CACNA1I: variants seen among roughly 807,000 people sequenced by gnomAD.
CACNA1I encodes the protein calcium voltage-gated channel subunit alpha1 I.
A neutral mutation model predicts 201.6 loss-of-function variants in CACNA1I; 74 were observed. That is an observed-to-expected ratio of 0.37 (90% CI 0.30 to 0.45). The LOEUF (loss-of-function observed/expected upper bound fraction) is 0.45. CACNA1I is among the 20% of genes least tolerant of loss of function. The pLI is 1.00. For synonymous variants in CACNA1I, 1,431 were observed against 1,345.2 expected (o/e 1.06, Z -1.40); for missense variants, 2,346 against 3,138.1 (o/e 0.75, Z 6.03).
rs377452504 is a variant in CACNA1I at position 39,634,705 on chromosome 22, C to A, written c.721C>A (p.Leu241Met). 3.7e-6 allele frequency: 6 copies of A among 1,613,588 alleles called. No homozygotes were observed. The highest frequency in any genetic ancestry group is 5.1e-6 in the Non-Finnish European group (6 of 1,179,758). The change falls in exon 5 of 37, where the codon CTG becomes ATG. Residue 241 changes from leucine (L) to methionine (M), a missense_variant. Around this residue, in one of 13 missense-constraint regions of CACNA1I, gnomAD observed 227 missense variants for 412.5 expected, o/e 0.55. Coordinates refer to ENST00000402142, the MANE Select transcript of CACNA1I (RefSeq NM_021096.4). ...WAGLLRNRCF[L>M]EENFTIQGDV... ...GGGCCTGCTGCGTAACCGCTGCTTC[C>A]TGGAGGAGAACTTCACCATGTGAGT...
intron 15 of CACNA1I, among the ~76,000 whole-genome samples, chr22:39,660,699 G>A (rs1934979718): frequency 6.6e-6 from 1 of 152,194 alleles, no homozygotes; most frequent in Non-Finnish European, 1.5e-5. Flanking sequence ...CCCTTGGTTA[G>A]AGCCTTGGGG....
At position 39,684,474 on chromosome 22, in the gene CACNA1I, G is replaced by T. The variant is rs757976658; in HGVS notation, c.6003G>T (p.Arg2001Ser). 6 of 1,613,302 alleles carry T rather than the reference G, an allele frequency of 3.7e-6. No individual in the cohort carries two copies. The East Asian group carries it at 1.3e-4, about 36-fold the overall frequency. ...CCTGGGCATCTCTGCGGTCACCAAG[G>T]GTCAACTGTACCCTCCTCCGGCAGG... Reference protein sequence around the residue: ...QGSWASLRSPRVNCTLLRQAT... With the variant: ...QGSWASLRSPSVNCTLLRQAT... The change falls in exon 36 of 37, where the codon AGG (arginine) becomes AGT (serine). Residue 2001 changes from arginine to serine, a missense_variant. Around this residue, in one of 13 missense-constraint regions of CACNA1I, gnomAD observed 441 missense variants for 555.6 expected, o/e 0.79. Coordinates refer to ENST00000402142, the MANE Select transcript of CACNA1I (RefSeq NM_021096.4). The surrounding 1 kb of genome is among the most constrained non-coding windows in gnomAD (Gnocchi z 4.6).
chr22:39,656,784 T>C (rs1245656701), intron 10 of CACNA1I: 4 of 518,848 alleles, frequency 7.7e-6, no homozygotes, highest in Middle Eastern at 3.2e-4. Context: ...GAACAAGTCA[T>C]TCCCCCTCCC....
rs1315733458 is a variant in CACNA1I, at chr22:39,684,372, T to G, written c.5901T>G (p.Pro1967=). 2.5e-6 allele frequency: 4 copies of G among 1,613,588 alleles called. No individual in the cohort carries two copies. Among genetic ancestry groups the G allele is most frequent in the Non-Finnish European group, 3.4e-6 (4 of 1,179,824 alleles). ...CCATGCCAGCCGAGTTCTTCCACCC[T>G]GCAGTGTCTGCCAGCCAGAAAGGCC... is the stretch of plus-strand genomic sequence containing the variant. ...LLPMPAEFFH[P]AVSASQKGPE... is the part of the protein sequence containing the mutation. Residue 1967 remains proline, a synonymous_variant, in exon 36 of 37, where the codon CCT becomes CCG. Coordinates refer to ENST00000402142, the MANE Select transcript of CACNA1I (RefSeq NM_021096.4). The surrounding 1 kb of genome is among the most constrained non-coding windows in gnomAD (Gnocchi z 4.6).
intron 1 of CACNA1I, among the ~76,000 whole-genome samples, chr22:39,591,925 G>A (rs969493923): frequency 2.0e-5 from 3 of 152,202 alleles, no homozygotes; most frequent in African/African-American, 4.8e-5. Context: ...AGAAGTGTTC[G>A]CGATTGTCAC....
chr22:39,641,399 AT>A (rs1934347520), intron 6 of CACNA1I, among the ~76,000 whole-genome samples: 1 of 152,234 alleles, frequency 6.6e-6, no homozygotes, highest in South Asian at 2.1e-4. Context: ...TGACTATTAA[AT>A]GGCAAAAATA....
In CACNA1I at chr22:39,677,368, C is replaced by G; in HGVS notation, c.4882C>G (p.Leu1628Val). ...GGGCAACCTGGGCCTCCTCTTCATG[C>G]TGCTCTTCTTCATCTATGCTGCTCT... The part of the protein sequence containing the change: ...QVGNLGLLFM[L>V]LFFIYAALGV... The change falls in exon 30 of 37, where the codon CTG (leucine) becomes GTG (valine). Residue 1628 changes from leucine to valine, a missense_variant. By Grantham distance (32) the Leu-to-Val change is conservative. Transcript: ENST00000402142. This position sits in a 1 kb window ranked among gnomAD's most constrained non-coding sequence, Gnocchi z 4.8. 6.2e-7 allele frequency: 1 copy of G among 1,600,434 alleles called. No homozygotes were observed. Among genetic ancestry groups the G allele is most frequent in the Non-Finnish European group, 8.5e-7 (1 of 1,175,728 alleles).
intron 4 of CACNA1I, among the ~76,000 whole-genome samples, chr22:39,627,263 C>G (rs943267596): frequency 2.0e-5 from 3 of 152,210 alleles, no homozygotes; most frequent in Non-Finnish European, 4.4e-5. Context: ...TGGTCTGCTC[C>G]AGACCTCTGA....
At chr22:39,589,361 G>A (rs1932796211) in intron 1 of CACNA1I, among the ~76,000 whole-genome samples, 1 of 152,184 alleles carries the variant, frequency 6.6e-6, no homozygotes, top group Admixed American at 6.5e-5. Context: ...GCATATGTTT[G>A]GTTTTAGTAG....
rs60795524 is a variant in CACNA1I, at chr22:39,619,316, C to T, written c.489C>T (p.Val163=). 587 of 1,607,896 alleles carry T rather than the reference C, an allele frequency of 3.7e-4. 2 individuals are homozygous for T. In the African/African-American group the frequency reaches 7.1e-3, roughly 20 times the overall value. Residue 163 remains valine, a synonymous_variant, in exon 4 of 37, where the codon GTC becomes GTT. Transcript: ENST00000402142. ...LDFFIVMAGM[V]EYSLDLQNIN... is the part of the protein sequence containing the mutation. ...CTCTCTCCTTTCTCTGCAGGATGGTCGAGTACTCCCTGGACCTTCAGAACA... is the reference window on the plus strand; with the variant it reads ...CTCTCTCCTTTCTCTGCAGGATGGTTGAGTACTCCCTGGACCTTCAGAACA...
chr22:39,598,116 C>G, intron 1 of CACNA1I, 35 bp from the exon 2 acceptor site: 2 of 1,373,302 alleles, frequency 1.5e-6, no homozygotes, highest in Middle Eastern at 1.8e-4. Flanking sequence ...CACGGGCGAT[C>G]CCACCTGCTG....
At chr22:39,604,790 C>T (rs1234197674) in intron 3 of CACNA1I, among the ~76,000 whole-genome samples, 1 of 151,720 alleles carries the variant, frequency 6.6e-6, no homozygotes, top group Non-Finnish European at 1.5e-5. Context: ...GACAAGCTCT[C>T]ACTATGTGAC....
At chr22:39,630,761 C>T (rs920830019) in intron 4 of CACNA1I, among the ~76,000 whole-genome samples, 3 of 152,270 alleles carry the variant, frequency 2.0e-5, no homozygotes, top group African/African-American at 7.2e-5. Context: ...GGATGGCCCT[C>T]CAAGCATGTG....
Position 39,659,052 on chromosome 22 carries a change from A to G in CACNA1I, c.2266A>G (p.Met756Val). The part of the protein sequence containing the change: ...PALRRQLVVL[M>V]KTMDNVATFC... ...CCTGCGGCGCCAGCTCGTGGTGCTC[A>G]TGAAGACCATGGACAACGTGGCCAC... is the stretch of plus-strand genomic sequence containing the variant. Residue 756 changes from methionine (M) to valine (V), a missense_variant, in exon 12 of 37, where the codon ATG (methionine) becomes GTG (valine). Transcript: ENST00000402142. This position sits in a 1 kb window ranked among gnomAD's most constrained non-coding sequence, Gnocchi z 4.3. 3 of 1,613,424 alleles carry G rather than the reference A, an allele frequency of 1.9e-6. No individual in the cohort carries two copies. Among genetic ancestry groups the G allele is most frequent in the South Asian group, 2.2e-5 (2 of 90,930 alleles).
intron 3 of CACNA1I, among the ~76,000 whole-genome samples, chr22:39,606,008 T>G (rs1343800244): frequency 6.6e-6 from 1 of 152,030 alleles, no homozygotes; most frequent in Admixed American, 6.5e-5. Context: ...CCTTCAGAAG[T>G]TGGGGGGTGG....
rs1934345893 is a variant in CACNA1I, at chr22:39,641,289, T to C, written c.1056+107T>C. The C allele has an allele frequency of 8.9e-6, 8 of 894,634 alleles. No homozygotes were observed. In the East Asian group the frequency reaches 2.0e-4, roughly 22 times the overall value. The allele number at this position is 894,634 out of a possible 1,614,324, so 55.4% of individuals were successfully genotyped here. ...TGCCAGCCCTCATCTCACTGAAACC[T>C]GCCCAGCTTGCTGGCAGAATAGGCA... On this transcript the variant is annotated intron_variant, in intron 6 of 36. Coordinates refer to ENST00000402142, the MANE Select transcript of CACNA1I (RefSeq NM_021096.4).
chr22:39,590,982 T>C (rs997671724), intron 1 of CACNA1I, among the ~76,000 whole-genome samples: 11 of 151,838 alleles, frequency 7.2e-5, no homozygotes, highest in Admixed American at 7.2e-4. Flanking sequence ...AGTAGCAGAC[T>C]ACAGGCGCGC....
chr22:39,662,765 C>G lies in CACNA1I; in HGVS notation c.3373-11C>G. ...TCGCTGACCCCCGGCGCTCCGTCCTCCTCTTGCTAGACCCTGTGCTTCCGC... is the reference window on the plus strand; with the variant it reads ...TCGCTGACCCCCGGCGCTCCGTCCTGCTCTTGCTAGACCCTGTGCTTCCGC... On this transcript the variant is annotated splice_polypyrimidine_tract_variant and intron_variant, in intron 17 of 36. Coordinates refer to ENST00000402142, the MANE Select transcript of CACNA1I (RefSeq NM_021096.4). 1.3e-6 allele frequency: 2 copies of G among 1,559,846 alleles called. No homozygotes were observed. The highest frequency in any genetic ancestry group is 1.7e-6 in the Non-Finnish European group (2 of 1,150,300).
intron 26 of CACNA1I, among the ~76,000 whole-genome samples, chr22:39,671,814 G>A (rs1329280669): frequency 1.3e-5 from 2 of 152,116 alleles, no homozygotes; most frequent in African/African-American, 2.4e-5. Context: ...TTCCAGCACC[G>A]AACTATCAGC....
Sources: allele counts gnomAD v4.1 joint callset (sites outside exome capture counted in the v4.1 genomes callset), GRCh38; gene constraint gnomAD v4.1.1; regional missense constraint gnomAD v4.1.1; non-coding constraint Gnocchi (gnomAD v3.1); transcripts MANE v1.5; gene names NCBI Gene and HGNC (gene_info 2026-07-23, HGNC 2026-07-21).